Variants in AMBRA1 observed in about 807,000 individuals in gnomAD.
AMBRA1 encodes autophagy and beclin 1 regulator 1.
In AMBRA1, 47 loss-of-function variants were observed where a neutral mutation model predicts 125.4. That is an observed-to-expected ratio of 0.37 (90% confidence interval 0.30 to 0.48). AMBRA1 has a LOEUF of 0.48. Ranked by LOEUF, AMBRA1 falls within the 20% of genes least tolerant of loss-of-function variation. The pLI, the probability that AMBRA1 is intolerant of heterozygous loss-of-function variation, is 0.99. For missense variants in AMBRA1, 1,331 were observed against 1,693.4 expected, an observed-to-expected ratio of 0.79 and a Z score of 3.76; for synonymous variants, 626 against 655.5, an observed-to-expected ratio of 0.95 and a Z score of 0.69.
intron 7 of AMBRA1, among the ~76,000 whole-genome samples, chr11:46,524,677 T>C (rs1338044393): frequency 5.3e-5 from 8 of 152,236 alleles, no homozygotes; most frequent in Non-Finnish European, 7.3e-5. Context: ...CAGTAGCCAG[T>C]ACAGTCTAAT....
At chr11:46,578,093 C>A (rs2044023348) in intron 1 of AMBRA1, among the ~76,000 whole-genome samples, 1 of 151,944 alleles carries the variant, frequency 6.6e-6, no homozygotes, top group African/African-American at 2.4e-5. Flanking sequence ...GTAGTCTAGC[C>A]TGGAAGAAAG....
At chr11:46,430,888 T>C (rs1244966008) in intron 14 of AMBRA1, among the ~76,000 whole-genome samples, 1 of 152,208 alleles carries the variant, frequency 6.6e-6, no homozygotes, top group Non-Finnish European at 1.5e-5. Context: ...CACCTATACT[T>C]ACCTGTGCAA....
chr11:46,500,019 CTGAGGTTATCTAAT>C, intron 9 of AMBRA1, among the ~76,000 whole-genome samples: 1 of 152,148 alleles, frequency 6.6e-6, no homozygotes. Flanking sequence ...CTACAAGAAT[CTGAGGTTATCTAAT>C]CTCATTTTAC....
intron 6 of AMBRA1, 98 bp downstream of exon 6, chr11:46,543,877 G>T (rs559164835): frequency 5.2e-6 from 5 of 970,420 alleles, no homozygotes; most frequent in Non-Finnish European, 8.1e-6. Context: ...ATAAGACTTG[G>T]GTATTGAGAA....
chr11:46,492,759 A>T (rs910574140), intron 11 of AMBRA1, among the ~76,000 whole-genome samples: 6 of 152,238 alleles, frequency 3.9e-5, no homozygotes, highest in Admixed American at 3.9e-4. Context: ...CAACCATCAT[A>T]AAACTGCTGG....
At chr11:46,557,369 A>G (rs2043191541) in intron 1 of AMBRA1, among the ~76,000 whole-genome samples, 1 of 152,106 alleles carries the variant, frequency 6.6e-6, no homozygotes, top group South Asian at 2.1e-4. Context: ...TCTAAAAATA[A>G]AAAGTTTAGG....
intron 15 of AMBRA1, among the ~76,000 whole-genome samples, chr11:46,414,311 G>A (rs371411237): frequency 7.9e-4 from 120 of 152,322 alleles, no homozygotes; most frequent in Non-Finnish European, 1.2e-3. Flanking sequence ...TGTGGTTTCC[G>A]TGGCAATTTT....
At chr11:46,530,649 C>T (rs1177128232) in intron 7 of AMBRA1, 2 of 152,166 alleles carry the variant, frequency 1.3e-5, no homozygotes, top group African/African-American at 4.8e-5. Flanking sequence ...TCTTTGGGGC[C>T]CTCATTGTCA....
At chr11:46,452,106 G>A (rs1042351309) in intron 11 of AMBRA1, among the ~76,000 whole-genome samples, 17 of 151,850 alleles carry the variant, frequency 1.1e-4, no homozygotes, top group African/African-American at 3.6e-4. Flanking sequence ...TGTATGGTAG[G>A]TGAATCATAT....
intron 1 of AMBRA1, among the ~76,000 whole-genome samples, chr11:46,566,519 T>C (rs947336350): frequency 1.3e-5 from 2 of 152,172 alleles, no homozygotes; most frequent in African/African-American, 2.4e-5. Context: ...TTACATTCTA[T>C]ATAATTCCAT....
intron 1 of AMBRA1, among the ~76,000 whole-genome samples, chr11:46,585,349 AAAAT>A (rs1183968808): frequency 2.2e-4 from 33 of 151,212 alleles, no homozygotes; most frequent in East Asian, 1.4e-3. Context: ...ATGATCAATA[AAAAT>A]AAATAAATAA....
At chr11:46,563,934 C>T (rs1591133738) in intron 1 of AMBRA1, among the ~76,000 whole-genome samples, 1 of 150,268 alleles carries the variant, frequency 6.7e-6, no homozygotes, top group Non-Finnish European at 1.5e-5. Context: ...CACCTGAAGT[C>T]AGGAGTTTGA....
In AMBRA1 at chr11:46,437,433, C is replaced by T. The variant is rs139553828; in HGVS notation, c.2633-2396G>A. 6.6e-5 allele frequency among the ~76,000 whole-genome samples: 10 copies of T among 152,300 alleles called. No individual in the cohort carries two copies. In the East Asian group the frequency reaches 1.9e-3, roughly 29 times the overall value. On this transcript the variant is annotated intron_variant, in intron 12 of 17. Coordinates refer to ENST00000683756, the MANE Select transcript of AMBRA1 (RefSeq NM_001387011.1). ...AAGAGAATGCTGAAAATTGTAACAGCTTCTCCGGTAGCATATTCAGTTTCA... is the reference window on the plus strand; with the variant it reads ...AAGAGAATGCTGAAAATTGTAACAGTTTCTCCGGTAGCATATTCAGTTTCA...
chr11:46,486,181 A>G (rs973176766), intron 11 of AMBRA1, among the ~76,000 whole-genome samples: 6 of 152,164 alleles, frequency 3.9e-5, no homozygotes, highest in African/African-American at 1.4e-4. Flanking sequence ...CAGCCATCTT[A>G]ATTGATGTTG....
rs532027072 is a variant in AMBRA1 at position 46,398,053 on chromosome 11, A to T, written c.3404-110T>A. ...GGGGATTCTTGACTAAACGCAGGAT[A>T]GAGAAAGACTCGCTCCATCACTGTG... is the stretch of plus-strand genomic sequence containing the variant. On this transcript the variant is annotated intron_variant, in intron 17 of 17. Transcript: ENST00000683756. The T allele has an allele frequency of 5.1e-6, 7 of 1,384,450 alleles. No individual in the cohort carries two copies. In the East Asian group the frequency reaches 1.7e-4, roughly 34 times the overall value. 85.8% of individuals were successfully genotyped at this position (1,384,450 alleles called of 1,614,324 possible).
chr11:46,505,613 A>C (rs1951005444), intron 9 of AMBRA1, among the ~76,000 whole-genome samples: 1 of 151,508 alleles, frequency 6.6e-6, no homozygotes, highest in Non-Finnish European at 1.5e-5. Flanking sequence ...AAAAAACAGT[A>C]AGTCAGTGCA....
intron 1 of AMBRA1, among the ~76,000 whole-genome samples, chr11:46,572,047 A>C (rs771237920): frequency 6.6e-5 from 10 of 152,138 alleles, no homozygotes; most frequent in Non-Finnish European, 1.5e-4. Flanking sequence ...TCACGCCTAT[A>C]ATCCCAGGAC....
intron 11 of AMBRA1, among the ~76,000 whole-genome samples, chr11:46,481,282 A>G (rs1215294937): frequency 2.0e-5 from 3 of 152,220 alleles, no homozygotes; most frequent in Non-Finnish European, 2.9e-5. Context: ...GTTTGGGAAT[A>G]TAATTCTTCT....
chr11:46,508,478 T>C (rs1444402829), intron 8 of AMBRA1, 108 bp from the exon 9 acceptor site: 2 of 1,132,176 alleles, frequency 1.8e-6, no homozygotes, highest in Non-Finnish European at 2.5e-6. Context: ...AGGTGAACTC[T>C]GGAGACATGA....
Sources: gnomAD v4.1 joint callset for allele counts (sites outside exome capture counted in the v4.1 genomes callset) on GRCh38, gnomAD v4.1.1 for gene constraint, MANE v1.5 for transcripts, NCBI Gene and HGNC (gene_info 2026-07-23, HGNC 2026-07-21) for gene names.